PSMA5: variants seen among roughly 807,000 people sequenced by gnomAD.
The protein encoded by PSMA5 is proteasome subunit alpha type-5.
Under a neutral mutation model 34.5 loss-of-function variants are expected in PSMA5, and 3 were observed. The observed-to-expected ratio is 0.09, with a 90% CI of 0.04 to 0.22. The LOEUF (loss-of-function observed/expected upper bound fraction) is 0.22, where lower values mean the gene tolerates loss of function less well. Among genes scored for constraint, PSMA5 ranks in the 10% least tolerant of loss-of-function variants. The pLI is 1.00. For synonymous variants in PSMA5, 88 were observed against 95.8 expected, an observed-to-expected ratio of 0.92 and a Z score of 0.47; for missense variants, 120 against 286.1, an observed-to-expected ratio of 0.42 and a Z score of 4.19.
chr1:109,400,315 A>G lies in PSMA5; in HGVS notation c.*1698T>C, dbSNP rs1653458943. 1 of 152,242 alleles carries G rather than the reference A, an allele frequency of 6.6e-6. No individual in the cohort carries two copies. The highest frequency in any genetic ancestry group is 2.4e-5 in the African/African-American group (1 of 41,458). The allele number at this position is 152,242 out of a possible 1,614,324, so 9.4% of individuals were successfully genotyped here. Reference sequence around the variant, plus strand: ...TTTCTGCATTAACCTAGAGTTAAAAAGGAATATTGTTTATTGTTTGGCTCT... The same window carrying G: ...TTTCTGCATTAACCTAGAGTTAAAAGGGAATATTGTTTATTGTTTGGCTCT... On this transcript the variant is annotated 3_prime_UTR_variant, in exon 9 of 9. Transcript: ENST00000271308.
At chr1:109,423,930 T>C (rs1466018166) in intron 1 of PSMA5, among the ~76,000 whole-genome samples, 1 of 152,200 alleles carries the variant, frequency 6.6e-6, no homozygotes, top group African/African-American at 2.4e-5. Flanking sequence ...CCAAACTCCT[T>C]AGCCTCGTAT....
At position 109,426,299 on chromosome 1, in the gene PSMA5, G is replaced by A. The variant is rs1231055078; in HGVS notation, c.29+3C>T. 6.8e-6 allele frequency: 11 copies of A among 1,614,166 alleles called. No individual in the cohort carries two copies. Among genetic ancestry groups the A allele is most frequent in the Non-Finnish European group, 9.3e-6 (11 of 1,180,018 alleles). ...CCACCCGACGTCCCCCAGCTGCACG[G>A]ACCTGTCGTACTCAGACCGGGTAAG... On this transcript the variant is annotated splice_donor_region_variant and intron_variant, in intron 1 of 8. Coordinates refer to ENST00000271308, the MANE Select transcript of PSMA5 (RefSeq NM_002790.4).
At position 109,401,840 on chromosome 1, in the gene PSMA5, T is replaced by C. The variant is rs556060041; in HGVS notation, c.*173A>G. The C allele has an allele frequency of 6.4e-4, 298 of 467,980 alleles. No homozygotes were observed. Among genetic ancestry groups the C allele is most frequent in the African/African-American group, 5.8e-3 (285 of 48,894 alleles). 29.0% of individuals were successfully genotyped at this position (467,980 alleles called of 1,614,324 possible). A position where few individuals can be genotyped will look rare whatever the true frequency, so the allele number is the denominator to read the frequency against. ...AAAAGACTATTAGAAGAGAACAGTCTATTAACAAATATTTTAAAATTTTCT... is the reference window on the plus strand; with the variant it reads ...AAAAGACTATTAGAAGAGAACAGTCCATTAACAAATATTTTAAAATTTTCT... On this transcript the variant is annotated 3_prime_UTR_variant, in exon 9 of 9. Transcript: ENST00000271308.
intron 8 of PSMA5, among the ~76,000 whole-genome samples, chr1:109,407,778 A>G (rs940778857): frequency 2.6e-5 from 4 of 152,082 alleles, no homozygotes; most frequent in African/African-American, 9.7e-5. Flanking sequence ...AATAGCTGAG[A>G]TTACAGGCAC....
In PSMA5 at chr1:109,426,376, C is replaced by G. The variant is rs1216597380; in HGVS notation, c.-46G>C. On this transcript the variant is annotated 5_prime_UTR_variant, in exon 1 of 9. Coordinates refer to ENST00000271308, the MANE Select transcript of PSMA5 (RefSeq NM_002790.4). Reference sequence around the variant, plus strand: ...GCGGCTACGCGGGGATTCTGAGGACCAACACGACTCCACCGGCACCCAACT... The same window carrying G: ...GCGGCTACGCGGGGATTCTGAGGACGAACACGACTCCACCGGCACCCAACT... 3 of 1,604,576 alleles carry G rather than the reference C, an allele frequency of 1.9e-6. No individual in the cohort carries two copies. In the African/African-American group the frequency reaches 4.0e-5, roughly 22 times the overall value.
At chr1:109,409,634 C>G (rs1294063460) in intron 8 of PSMA5, among the ~76,000 whole-genome samples, 1 of 152,144 alleles carries the variant, frequency 6.6e-6, no homozygotes, top group Non-Finnish European at 1.5e-5. Flanking sequence ...AATAAAACAG[C>G]CAGGTGCAGT....
rs982680543 is a variant in PSMA5 at position 109,400,871 on chromosome 1, A to C, written c.*1142T>G. 6.6e-6 allele frequency: 1 copy of C among 152,306 alleles called. No homozygotes were observed. The highest frequency in any genetic ancestry group is 2.1e-4 in the South Asian group (1 of 4,834). The allele number at this position is 152,306 out of a possible 1,614,324, so 9.4% of individuals were successfully genotyped here. ...ATTAAATCAATTCTGCATCATCCAC[A>C]TATGGATTAGCCATGTTGTGGACAG... On this transcript the variant is annotated 3_prime_UTR_variant, in exon 9 of 9. Transcript: ENST00000271308.
intron 8 of PSMA5, among the ~76,000 whole-genome samples, chr1:109,404,924 G>A (rs544609179): frequency 6.6e-6 from 1 of 152,330 alleles, no homozygotes; most frequent in South Asian, 2.1e-4. Context: ...GAGGAGCCCA[G>A]GAAGGCTTCA....
At position 109,400,464 on chromosome 1, in the gene PSMA5, A is replaced by C. The variant is rs1203235971; in HGVS notation, c.*1549T>G. The C allele has an allele frequency of 6.6e-6, 1 of 152,242 alleles. No individual in the cohort carries two copies. The highest frequency in any genetic ancestry group is 1.5e-5 in the Non-Finnish European group (1 of 68,048). The allele number at this position is 152,242 out of a possible 1,614,324, so 9.4% of individuals were successfully genotyped here. A position where few individuals can be genotyped will look rare whatever the true frequency, so the allele number is the denominator to read the frequency against. On this transcript the variant is annotated 3_prime_UTR_variant, in exon 9 of 9. Transcript: ENST00000271308. ...CTCAATAAATTTGTTACAGGAATAA[A>C]TGAGATAGGATTTTCAAGGGTATTT...
chr1:109,411,326 A>T (rs1653981310), intron 6 of PSMA5, among the ~76,000 whole-genome samples: 1 of 152,234 alleles, frequency 6.6e-6, no homozygotes, highest in Non-Finnish European at 1.5e-5. Flanking sequence ...TTAGGGATTT[A>T]GAAGTATAGT....
chr1:109,407,654 T>A (rs1363088520), intron 8 of PSMA5, among the ~76,000 whole-genome samples: 1 of 152,140 alleles, frequency 6.6e-6, no homozygotes, highest in East Asian at 1.9e-4. Flanking sequence ...TTATTTATTT[T>A]TTGAGACAGA....
chr1:109,410,173 T>C (rs76438471), intron 7 of PSMA5, among the ~76,000 whole-genome samples, 159 bp from the exon 8 acceptor site: 2,100 of 152,162 alleles, frequency 0.014, 40 homozygotes, highest in African/African-American at 0.048. Context: ...CTCAAGTAAA[T>C]GGCAAATAAG....
At chr1:109,426,131 G>A in intron 1 of PSMA5, 171 bp downstream of exon 1, 3 of 813,102 alleles carry the variant, frequency 3.7e-6, no homozygotes, top group South Asian at 3.2e-5. Context: ...CCGCCGATGT[G>A]GTCTAGCTTG....
chr1:109,412,409 T>C (rs1654029876), intron 4 of PSMA5: 2 of 457,484 alleles, frequency 4.4e-6, no homozygotes, highest in South Asian at 3.1e-5. Flanking sequence ...ACAAGAGAAT[T>C]ACTGCCTTGA....
At chr1:109,415,048 A>T in intron 3 of PSMA5, 189 bp downstream of exon 3, 1 of 543,598 alleles carries the variant, frequency 1.8e-6, no homozygotes, top group Non-Finnish European at 3.0e-6. Flanking sequence ...AACTTATGGG[A>T]GTAGGTTAAA....
intron 2 of PSMA5, 113 bp downstream of exon 2, chr1:109,421,747 G>C (rs1374016707): frequency 3.7e-6 from 3 of 816,876 alleles, no homozygotes. Flanking sequence ...TGCTTAAAGG[G>C]ATATAAGAAC....
In PSMA5 at chr1:109,403,290, A is replaced by G. The variant is rs116458842; in HGVS notation, c.649-1200T>C. ...TTGCCTCAAAAGATTTGTGTTTTAC[A>G]TGTCATTTCCTCATAGTGTCTTTTT... On this transcript the variant is annotated intron_variant, in intron 8 of 8. Transcript: ENST00000271308. Among the ~76,000 whole-genome samples, 939 of 152,270 alleles carry G rather than the reference A, an allele frequency of 6.2e-3. 7 individuals are homozygous for G. Among genetic ancestry groups the G allele is most frequent in the Middle Eastern group, 0.01 (3 of 294 alleles).
intron 1 of PSMA5, among the ~76,000 whole-genome samples, chr1:109,423,388 G>A (rs1000185136): frequency 6.6e-6 from 1 of 152,204 alleles, no homozygotes; most frequent in African/African-American, 2.4e-5. Flanking sequence ...GCAGTGAGCC[G>A]AGATGGTGCC....
intron 8 of PSMA5, among the ~76,000 whole-genome samples, chr1:109,406,244 AG>A (rs1653755777): frequency 2.0e-5 from 3 of 152,240 alleles, no homozygotes; most frequent in Non-Finnish European, 4.4e-5. Flanking sequence ...TGAAACAAAT[AG>A]TAGTGATTGA....
Sources: allele counts gnomAD v4.1 joint callset (sites outside exome capture counted in the v4.1 genomes callset), GRCh38; gene constraint gnomAD v4.1.1; transcripts MANE v1.5; gene names NCBI Gene and HGNC (gene_info 2026-07-23, HGNC 2026-07-21).